CAP2: variants seen among roughly 807,000 people sequenced by gnomAD.
CAP2 encodes adenylyl cyclase-associated protein 2.
A neutral mutation model predicts 57.7 loss-of-function variants in CAP2; 24 were observed. The observed-to-expected ratio is 0.42, with a 90% CI of 0.30 to 0.58. The LOEUF is 0.58. Among genes scored for constraint, CAP2 ranks in the 20% least tolerant of loss-of-function variants. The probability of loss-of-function intolerance (pLI) is 0.22; values close to 1 mark genes in which losing one functional copy is unlikely to be tolerated. For synonymous variants in CAP2, 194 were observed against 207.2 expected, an observed-to-expected ratio of 0.94 and a Z score of 0.55; for missense variants, 501 against 590.3, an observed-to-expected ratio of 0.85 and a Z score of 1.57.
In CAP2 at chr6:17,507,685, C is replaced by CA. The variant is rs1762026966; in HGVS notation, c.490dup (p.Thr164AsnfsTer5). 1 of 1,611,066 alleles carries CA rather than the reference C, an allele frequency of 6.2e-7. No homozygotes were observed. Among genetic ancestry groups the CA allele is most frequent in the Non-Finnish European group, 8.5e-7 (1 of 1,177,556 alleles). On this transcript the variant is annotated frameshift_variant, in exon 6 of 13. Coordinates refer to ENST00000229922, the MANE Select transcript of CAP2 (RefSeq NM_006366.3). LOFTEE classifies it high-confidence loss of function. Reference sequence around the variant, plus strand: ...ATGTCAAGGAGATGAATGACGCTGCCACCTTTTACACTAACAGGGTCTTAA... The same window carrying CA: ...ATGTCAAGGAGATGAATGACGCTGCCAACCTTTTACACTAACAGGGTCTTAA...
intron 11 of CAP2, among the ~76,000 whole-genome samples, chr6:17,544,542 A>T: frequency 7.1e-6 from 1 of 140,162 alleles, no homozygotes; most frequent in African/African-American, 2.5e-5. Flanking sequence ...TATAACTTCT[A>T]TCTTTTTTTT....
In CAP2 at chr6:17,429,135, T is replaced by C. The variant is rs140641057; in HGVS notation, c.222+2445T>C. 3.7e-3 allele frequency among the ~76,000 whole-genome samples: 557 copies of C among 152,310 alleles called. 8 individuals carry two copies. The highest frequency in any genetic ancestry group is 0.013 in the African/African-American group (529 of 41,574). ...TCTGTTTTTTTCCTCAGTGTTTTTG[T>C]TTACAAGAAACCTTGTATGCAGCAA... On this transcript the variant is annotated intron_variant, in intron 3 of 12. Coordinates refer to ENST00000229922, the MANE Select transcript of CAP2 (RefSeq NM_006366.3).
intron 1 of CAP2, among the ~76,000 whole-genome samples, chr6:17,408,660 C>CTT (rs35571407): frequency 0.26 from 31,247 of 120,286 alleles, 4,938 homozygotes; most frequent in African/African-American, 0.31. Context: ...TGATAGCCTC[C>CTT]TTTTTTTTTT....
intron 4 of CAP2, among the ~76,000 whole-genome samples, chr6:17,489,158 G>A (rs560223459): frequency 1.2e-4 from 19 of 152,286 alleles, no homozygotes; most frequent in African/African-American, 3.6e-4. Flanking sequence ...ATCAGGCTGC[G>A]TGCAGTGGCT....
intron 12 of CAP2, among the ~76,000 whole-genome samples, chr6:17,553,168 G>T (rs1329834186): frequency 6.6e-6 from 1 of 152,176 alleles, no homozygotes; most frequent in African/African-American, 2.4e-5. Context: ...GCTAAGAAAA[G>T]CAGTGGGATT....
At chr6:17,508,861 G>T (rs967039064) in intron 6 of CAP2, among the ~76,000 whole-genome samples, 3 of 151,548 alleles carry the variant, frequency 2.0e-5, no homozygotes, top group Non-Finnish European at 4.4e-5. Flanking sequence ...GGGTTCAAGC[G>T]ATTCTCCTGC....
intron 4 of CAP2, among the ~76,000 whole-genome samples, chr6:17,504,113 A>T (rs1282953843): frequency 6.6e-6 from 1 of 152,192 alleles, no homozygotes; most frequent in African/African-American, 2.4e-5. Flanking sequence ...TTGTGTTTGC[A>T]TATAAGGGAT....
chr6:17,529,713 A>T (rs1940271878), intron 7 of CAP2, among the ~76,000 whole-genome samples: 1 of 151,312 alleles, frequency 6.6e-6, no homozygotes, highest in Non-Finnish European at 1.5e-5. Context: ...AAGGAAGACC[A>T]TCTGATTTAT....
intron 4 of CAP2, among the ~76,000 whole-genome samples, chr6:17,480,255 A>G (rs900835799): frequency 6.6e-6 from 1 of 152,216 alleles, no homozygotes; most frequent in African/African-American, 2.4e-5. Flanking sequence ...CTTCTCCCCC[A>G]CAGCAAATCC....
At chr6:17,481,709 G>A (rs1190679582) in intron 4 of CAP2, among the ~76,000 whole-genome samples, 1 of 152,012 alleles carries the variant, frequency 6.6e-6, no homozygotes, top group Non-Finnish European at 1.5e-5. Flanking sequence ...TTTTTAATTG[G>A]TCAATTTTTC....
chr6:17,398,589 A>G (rs1488998576), intron 1 of CAP2, among the ~76,000 whole-genome samples: 2 of 148,706 alleles, frequency 1.3e-5, no homozygotes, highest in Non-Finnish European at 3.0e-5. Flanking sequence ...CAGTGGCACG[A>G]TCTCCTCTCA....
At chr6:17,529,014 G>C in intron 7 of CAP2, among the ~76,000 whole-genome samples, 1 of 151,630 alleles carries the variant, frequency 6.6e-6, no homozygotes, top group East Asian at 2.0e-4. Context: ...CCAGGAGTTT[G>C]AAACCAGCCT....
At chr6:17,465,387 G>A (rs2113601143) in intron 4 of CAP2, among the ~76,000 whole-genome samples, 1 of 152,198 alleles carries the variant, frequency 6.6e-6, no homozygotes, top group East Asian at 1.9e-4. Context: ...GAGGGAAACT[G>A]GTTCCCAGGG....
At position 17,472,101 on chromosome 6, in the gene CAP2, G is replaced by A. The variant is rs1356003206; in HGVS notation, c.300+9028G>A. 4.4e-5 allele frequency among the ~76,000 whole-genome samples: 4 copies of A among 89,954 alleles called. 1 individual carries two copies. Among genetic ancestry groups the A allele is most frequent in the African/African-American group, 1.2e-4 (2 of 16,214 alleles). The allele number at this position is 89,954 out of a possible 152,430, so 59.0% of individuals were successfully genotyped here. A position where few individuals can be genotyped will look rare whatever the true frequency, so the allele number is the denominator to read the frequency against. On this transcript the variant is annotated intron_variant, in intron 4 of 12. Transcript: ENST00000229922. ...TGTAATCCCAGCACTTTGGGAGGCC[G>A]AGGCGGGCGGATCACGAGGTCAGGA...
chr6:17,460,174 C>T (rs1760683554), intron 3 of CAP2, among the ~76,000 whole-genome samples: 1 of 152,148 alleles, frequency 6.6e-6, no homozygotes, highest in African/African-American at 2.4e-5. Flanking sequence ...GCCACGCTCT[C>T]TGAAAATGGA....
At chr6:17,408,522 C>CA (rs1465692830) in intron 1 of CAP2, among the ~76,000 whole-genome samples, 2 of 152,108 alleles carry the variant, frequency 1.3e-5, no homozygotes, top group African/African-American at 4.8e-5. Flanking sequence ...ATAAGTTTTG[C>CA]AGGGGGTCAA....
intron 7 of CAP2, among the ~76,000 whole-genome samples, chr6:17,533,220 AG>A (rs745952570): frequency 1.9e-4 from 29 of 151,996 alleles, no homozygotes; most frequent in Non-Finnish European, 3.7e-4. Context: ...TATATTAAAT[AG>A]AGTATACTTA....
chr6:17,518,834 T>C (rs1265370361), intron 7 of CAP2, among the ~76,000 whole-genome samples: 1 of 152,014 alleles, frequency 6.6e-6, no homozygotes, highest in East Asian at 1.9e-4. Context: ...GACAGAGTTT[T>C]GCCATGTTGC....
intron 3 of CAP2, among the ~76,000 whole-genome samples, chr6:17,455,305 C>A (rs1038077805): frequency 6.6e-6 from 1 of 151,630 alleles, no homozygotes; most frequent in Non-Finnish European, 1.5e-5. Context: ...ATGCCTCAAG[C>A]GAGCATGCGC....
Sources: gnomAD v4.1 joint callset for allele counts (sites outside exome capture counted in the v4.1 genomes callset) on GRCh38, gnomAD v4.1.1 for gene constraint, MANE v1.5 for transcripts, NCBI Gene and HGNC (gene_info 2026-07-23, HGNC 2026-07-21) for gene names.